Variants in TASOR2 observed in about 807,000 individuals in gnomAD.
TASOR2 encodes protein TASOR 2.
A neutral mutation model predicts 199.5 loss-of-function variants in TASOR2; 84 were observed. The ratio of observed to expected loss-of-function variants is 0.42; its 90% CI spans 0.35 to 0.50. The LOEUF (loss-of-function observed/expected upper bound fraction) is 0.50. Among genes scored for constraint, TASOR2 ranks in the 20% least tolerant of loss-of-function variants. The pLI is 0.02. For missense variants in TASOR2, 2,796 were observed against 2,835.9 expected, an observed-to-expected ratio of 0.99 and a Z score of 0.32; for synonymous variants, 1,103 against 1,046.6, an observed-to-expected ratio of 1.05 and a Z score of -1.04.
rs1564272097 is a variant in TASOR2 at position 5,708,622 on chromosome 10, CCCTCCCTTCCTCCCTTCCTT to C, written c.-287-4197_-287-4178del. Reference sequence around the variant, plus strand: ...TCTCTTCCTTCCTCCCTCCCTCCCTCCCTCCCTTCCTCCCTTCCTTCCTTCCTTCCTTCCTTTCCTTCCTT... The same window carrying C: ...TCTCTTCCTTCCTCCCTCCCTCCCTCCCTTCCTTCCTTCCTTTCCTTCCTT... On this transcript the variant is annotated intron_variant, in intron 1 of 20. Coordinates refer to ENST00000328090, the Ensembl canonical transcript of TASOR2. Among the ~76,000 whole-genome samples the C allele has an allele frequency of 1.1e-3, 16 of 15,174 alleles. 1 individual carries two copies. The highest frequency in any genetic ancestry group is 4.4e-3 in the Admixed American group (5 of 1,148). 10.0% of individuals were successfully genotyped at this position (15,174 alleles called of 152,430 possible).
chr10:5,746,449 G>A lies in TASOR2; in HGVS notation c.3028G>A (p.Val1010Met), dbSNP rs370381647. Residue 1010 changes from valine to methionine, a missense_variant, in exon 15 of 21, where the codon GTG becomes ATG. Physicochemically the swap from Val to Met is conservative, Grantham distance 21. Coordinates refer to ENST00000328090, the Ensembl canonical transcript of TASOR2. ...CAAAGTGGATATTCTTGATGCAGCA[G>A]TGCAAACAAAAACAGGTACTTTACA... 47 of 1,613,962 alleles carry A rather than the reference G, an allele frequency of 2.9e-5. No individual in the cohort carries two copies. In the African/African-American group the frequency reaches 5.5e-4, roughly 19 times the overall value.
Position 5,685,051 on chromosome 10 carries a change from G to T in TASOR2, c.-412G>T, listed in dbSNP as rs1835651069. 2.5e-6 allele frequency: 1 copy of T among 397,900 alleles called. No homozygotes were observed. Among genetic ancestry groups the T allele is most frequent in the South Asian group, 1.3e-4 (1 of 7,868 alleles). 24.6% of individuals were successfully genotyped at this position (397,900 alleles called of 1,614,324 possible). On this transcript the variant is annotated 5_prime_UTR_variant, in exon 1 of 21. Coordinates refer to ENST00000328090, the Ensembl canonical transcript of TASOR2. This position sits in a 1 kb window ranked among gnomAD's most constrained non-coding sequence, Gnocchi z 5.4. The stretch of plus-strand genomic sequence containing the variant: ...CGCGGGAGCGCGGAGCCGGCGACTG[G>T]TGCTTCCCACGTGCGCCGGTGTCGC...
rs1386838443 is a variant in TASOR2, at chr10:5,710,063, A to G, written c.-287-2760A>G. 6.6e-6 allele frequency among the ~76,000 whole-genome samples: 1 copy of G among 152,152 alleles called. No homozygotes were observed. The highest frequency in any genetic ancestry group is 2.4e-5 in the African/African-American group (1 of 41,442). On this transcript the variant is annotated intron_variant, in intron 1 of 20. Coordinates refer to ENST00000328090, the Ensembl canonical transcript of TASOR2. The surrounding 1 kb of genome is among the most constrained non-coding windows in gnomAD (Gnocchi z 4.6). ...TTGAATGTTTAAATAAAGCTTGAGC[A>G]TTGCTCAGCAGTTATGAGACCATTC...
Position 5,695,910 on chromosome 10 carries a change from G to A in TASOR2, c.-288+10735G>A, listed in dbSNP as rs116229014. Reference sequence around the variant, plus strand: ...CTTCTGAAGTCAAGAATTACAGGATGGGGTGGGAATAGAAGGGTTGGTTGA... The same window carrying A: ...CTTCTGAAGTCAAGAATTACAGGATAGGGTGGGAATAGAAGGGTTGGTTGA... On this transcript the variant is annotated intron_variant, in intron 1 of 20. Transcript: ENST00000328090. Among the ~76,000 whole-genome samples the A allele has an allele frequency of 6.8e-3, 1,037 of 152,212 alleles. 18 individuals are homozygous for A. The highest frequency in any genetic ancestry group is 0.024 in the African/African-American group (990 of 41,540).
intron 1 of TASOR2, among the ~76,000 whole-genome samples, chr10:5,686,628 C>T (rs1163847411): frequency 6.6e-6 from 1 of 152,218 alleles, no homozygotes; most frequent in Non-Finnish European, 1.5e-5. Flanking sequence ...TTTATGTTCA[C>T]TCGCTCAAAA....
chr10:5,694,434 A>G (rs895112400), intron 1 of TASOR2, among the ~76,000 whole-genome samples: 4 of 152,236 alleles, frequency 2.6e-5, no homozygotes, highest in Non-Finnish European at 5.9e-5. Context: ...AATGAAAAGG[A>G]CAAAGCCCTG....
At chr10:5,746,425 A>C (rs1303445612) in exon 15 of TASOR2, 2 of 1,614,100 alleles carry the variant, frequency 1.2e-6, no homozygotes. Flanking sequence ...CCTTGAAAAC[A>C]AAGTGGATAT....
At chr10:5,711,573 G>T (rs1174339505) in intron 1 of TASOR2, among the ~76,000 whole-genome samples, 3 of 152,088 alleles carry the variant, frequency 2.0e-5, no homozygotes, top group Non-Finnish European at 4.4e-5. Flanking sequence ...AAGAGTGTCC[G>T]TAGGTCATTA....
At chr10:5,726,776 C>T in intron 8 of TASOR2, 109 bp from the exon 10 acceptor site, 1 of 905,406 alleles carries the variant, frequency 1.1e-6, no homozygotes, top group African/African-American at 1.7e-5. Context: ...ATAACATTTG[C>T]AGAATTTTTT....
chr10:5,721,018 T>G (rs199582653), intron 6 of TASOR2, 48 bp downstream of exon 7: 6 of 1,499,570 alleles, frequency 4.0e-6, no homozygotes, highest in Non-Finnish European at 5.5e-6. Context: ...ATTACAAGTT[T>G]TGGGGTTTTT....
chr10:5,700,448 C>G (rs912767360), intron 1 of TASOR2, among the ~76,000 whole-genome samples: 3 of 152,058 alleles, frequency 2.0e-5, no homozygotes, highest in African/African-American at 7.2e-5. Flanking sequence ...GATATATACC[C>G]AGTAGTGGAA....
At chr10:5,746,450 T>C (rs755161037) in exon 15 of TASOR2, 3 of 1,614,004 alleles carry the variant, frequency 1.9e-6, no homozygotes, top group Non-Finnish European at 2.5e-6. Flanking sequence ...GATGCAGCAG[T>C]GCAAACAAAA....
exon 16 of TASOR2, chr10:5,756,621 G>A: frequency 6.2e-7 from 1 of 1,612,920 alleles, no homozygotes; most frequent in Non-Finnish European, 8.5e-7. Context: ...AGAACCTTCT[G>A]AGGAAAGGAG....
chr10:5,717,353 C>T (rs1564286500), intron 2 of TASOR2, among the ~76,000 whole-genome samples: 1 of 152,034 alleles, frequency 6.6e-6, no homozygotes, highest in Non-Finnish European at 1.5e-5. Flanking sequence ...CCCAGGCCCA[C>T]CCTCCCTACC....
At chr10:5,741,162 G>T (rs190674808) in intron 13 of TASOR2, among the ~76,000 whole-genome samples, 6 of 152,202 alleles carry the variant, frequency 3.9e-5, no homozygotes, top group Non-Finnish European at 7.3e-5. Context: ...CTTGGGAGAG[G>T]CCTGACATTC....
At chr10:5,756,784 G>C in intron 16 of TASOR2, 46 bp downstream of exon 17, 1 of 1,596,310 alleles carries the variant, frequency 6.3e-7, no homozygotes, top group Non-Finnish European at 8.5e-7. Context: ...AGGCACATAA[G>C]TTGTTCTGTA....
chr10:5,711,398 G>A (rs1247592333), intron 1 of TASOR2, among the ~76,000 whole-genome samples: 1 of 152,010 alleles, frequency 6.6e-6, no homozygotes, highest in Non-Finnish European at 1.5e-5. Context: ...CCATATTACT[G>A]TACTTCATAA....
intron 1 of TASOR2, among the ~76,000 whole-genome samples, chr10:5,693,839 A>G (rs1836795384): frequency 6.6e-6 from 1 of 152,244 alleles, no homozygotes; most frequent in Non-Finnish European, 1.5e-5. Flanking sequence ...TTGATTATCT[A>G]CTGTGGTGCT....
chr10:5,717,852 G>C, intron 3 of TASOR2, 102 bp downstream of exon 4: 2 of 437,526 alleles, frequency 4.6e-6, no homozygotes, highest in Non-Finnish European at 7.5e-6. Context: ...TCTCACCAAA[G>C]TTAGCTATCC....
Sources: allele counts gnomAD v4.1 joint callset (sites outside exome capture counted in the v4.1 genomes callset), GRCh38; gene constraint gnomAD v4.1.1; non-coding constraint Gnocchi (gnomAD v3.1); transcripts MANE v1.5; gene names NCBI Gene and HGNC (gene_info 2026-07-23, HGNC 2026-07-21).